Variants in RABGAP1L observed in about 807,000 individuals in gnomAD.
RABGAP1L encodes the protein RAB GTPase activating protein 1 like, also known as rab GTPase-activating protein 1-like.
A neutral mutation model predicts 137.7 loss-of-function variants in RABGAP1L; 63 were observed. The ratio of observed to expected loss-of-function variants is 0.46; its 90% CI spans 0.37 to 0.56. The LOEUF is 0.56. Among genes scored for constraint, RABGAP1L ranks in the 20% least tolerant of loss-of-function variants. RABGAP1L has a pLI of 0.00. For synonymous variants in RABGAP1L, 431 were observed against 433.7 expected (o/e 0.99, Z 0.08); for missense variants, 1,095 against 1,244.0 (o/e 0.88, Z 1.80).
intron 19 of RABGAP1L, among the ~76,000 whole-genome samples, chr1:174,886,859 T>A (rs1450909148): frequency 6.6e-6 from 1 of 152,034 alleles, no homozygotes; most frequent in Non-Finnish European, 1.5e-5. Context: ...CTGTCTGGCG[T>A]GCAATGGCGC....
chr1:174,232,317 G>C (rs1670733092), intron 4 of RABGAP1L, among the ~76,000 whole-genome samples: 1 of 151,862 alleles, frequency 6.6e-6, no homozygotes, highest in Non-Finnish European at 1.5e-5. Flanking sequence ...AAACCAGCCT[G>C]GGCAAAATAA....
intron 11 of RABGAP1L, among the ~76,000 whole-genome samples, chr1:174,325,097 G>A (rs1046530130): frequency 7.9e-5 from 12 of 152,152 alleles, no homozygotes; most frequent in African/African-American, 2.9e-4. Flanking sequence ...GCTTCTATGT[G>A]GTTAGAAAGG....
At chr1:174,649,748 G>C (rs1032906770) in intron 14 of RABGAP1L, among the ~76,000 whole-genome samples, 4 of 152,142 alleles carry the variant, frequency 2.6e-5, no homozygotes, top group African/African-American at 9.7e-5. Flanking sequence ...GAGACAATGG[G>C]TTTTTCTAGA....
Position 174,683,611 on chromosome 1 carries a change from G to A in RABGAP1L, c.1899+15G>A, listed in dbSNP as rs376749626. On this transcript the variant is annotated intron_variant, in intron 15 of 25. Transcript: ENST00000681986. ...TACTGCTGCATGTAAGTAATGGTCCGTGTGATAAATAGCACAGTGCTGCCA... is the reference window on the plus strand; with the variant it reads ...TACTGCTGCATGTAAGTAATGGTCCATGTGATAAATAGCACAGTGCTGCCA... 4.6e-5 allele frequency: 73 copies of A among 1,584,740 alleles called. No individual in the cohort carries two copies. In the South Asian group the frequency reaches 5.5e-4, roughly 12 times the overall value.
intron 15 of RABGAP1L, among the ~76,000 whole-genome samples, chr1:174,699,001 TTA>T (rs1212606359): frequency 6.7e-6 from 1 of 148,408 alleles, no homozygotes; most frequent in Non-Finnish European, 1.5e-5. Context: ...TTATTTTATT[TTA>T]TTTTTTTTTT....
intron 11 of RABGAP1L, among the ~76,000 whole-genome samples, chr1:174,356,987 C>T (rs1443018905): frequency 6.6e-6 from 1 of 151,492 alleles, no homozygotes; most frequent in Non-Finnish European, 1.5e-5. Flanking sequence ...AAGTGGTAGT[C>T]CTACTGTATG....
chr1:174,856,562 C>T (rs1379501932), intron 19 of RABGAP1L, among the ~76,000 whole-genome samples: 1 of 152,044 alleles, frequency 6.6e-6, no homozygotes, highest in African/African-American at 2.4e-5. Context: ...TGAACAGAAG[C>T]ATCCAAAGGT....
chr1:174,615,685 A>T (rs898750423), intron 13 of RABGAP1L, among the ~76,000 whole-genome samples: 27 of 152,186 alleles, frequency 1.8e-4, no homozygotes, highest in African/African-American at 5.5e-4. Context: ...CCAGAGGTGG[A>T]GCCTACAGAG....
chr1:174,618,412 C>A (rs1327833098), intron 13 of RABGAP1L, among the ~76,000 whole-genome samples: 2 of 152,222 alleles, frequency 1.3e-5, no homozygotes, highest in Non-Finnish European at 2.9e-5. Context: ...AGACTGACAT[C>A]TCACACGGCC....
chr1:174,737,814 G>C (rs1683080658), intron 17 of RABGAP1L, among the ~76,000 whole-genome samples: 1 of 152,222 alleles, frequency 6.6e-6, no homozygotes, highest in Non-Finnish European at 1.5e-5. Context: ...CATGGCAGAA[G>C]GTGAAGGAGA....
chr1:174,239,687 C>T (rs181055922), intron 4 of RABGAP1L, among the ~76,000 whole-genome samples: 6 of 152,088 alleles, frequency 3.9e-5, no homozygotes, highest in Admixed American at 1.3e-4. Flanking sequence ...ATATTTTTCC[C>T]TGCTGTAGCT....
intron 11 of RABGAP1L, among the ~76,000 whole-genome samples, chr1:174,329,087 T>C (rs1680800954): frequency 6.8e-6 from 1 of 146,072 alleles, no homozygotes; most frequent in African/African-American, 2.5e-5. Context: ...AAAGATAAAA[T>C]TGACAAACCT....
At chr1:174,630,105 G>A (rs902204792) in intron 13 of RABGAP1L, among the ~76,000 whole-genome samples, 4 of 149,256 alleles carry the variant, frequency 2.7e-5, no homozygotes, top group East Asian at 2.0e-4. Flanking sequence ...TAGCATGAAG[G>A]GTTGTTGAAT....
At chr1:174,313,443 GA>G (rs1679055388) in intron 11 of RABGAP1L, among the ~76,000 whole-genome samples, 1 of 152,040 alleles carries the variant, frequency 6.6e-6, no homozygotes, top group Non-Finnish European at 1.5e-5. Context: ...TTCCAATTTG[GA>G]TGCCCTTTAT....
intron 19 of RABGAP1L, among the ~76,000 whole-genome samples, chr1:174,903,122 T>TAGAG (rs1034111432): frequency 1.3e-5 from 2 of 152,238 alleles, no homozygotes; most frequent in Non-Finnish European, 2.9e-5. Context: ...ATTAGAGATA[T>TAGAG]AGAGGCAACA....
intron 18 of RABGAP1L, among the ~76,000 whole-genome samples, chr1:174,767,701 G>A (rs1685789858): frequency 6.6e-6 from 1 of 152,006 alleles, no homozygotes; most frequent in African/African-American, 2.4e-5. Flanking sequence ...ATTCATGTAT[G>A]TGTATTGTGT....
At chr1:174,616,506 A>G (rs1020355163) in intron 13 of RABGAP1L, among the ~76,000 whole-genome samples, 1 of 152,210 alleles carries the variant, frequency 6.6e-6, no homozygotes, top group Non-Finnish European at 1.5e-5. Context: ...AAAGTAAATA[A>G]GAATTGGTCA....
chr1:174,313,853 T>C (rs1422428522), intron 11 of RABGAP1L, among the ~76,000 whole-genome samples: 1 of 152,194 alleles, frequency 6.6e-6, no homozygotes. Context: ...GGGATAAATC[T>C]CAATTGGTCA....
intron 13 of RABGAP1L, among the ~76,000 whole-genome samples, chr1:174,631,514 A>C (rs1323138607): frequency 1.3e-5 from 1 of 78,756 alleles, no homozygotes; most frequent in African/African-American, 8.4e-5. Flanking sequence ...CCCATTATTA[A>C]TGTGTGGGAG....
Sources: gnomAD v4.1 joint callset for allele counts (sites outside exome capture counted in the v4.1 genomes callset) on GRCh38, gnomAD v4.1.1 for gene constraint, MANE v1.5 for transcripts, NCBI Gene and HGNC (gene_info 2026-07-23, HGNC 2026-07-21) for gene names.